TMEM131L: variants seen among roughly 807,000 people sequenced by gnomAD.
TMEM131L encodes transmembrane protein 131-like.
A neutral mutation model predicts 192.2 loss-of-function variants in TMEM131L; 54 were observed. The ratio of observed to expected loss-of-function variants is 0.28; its 90% CI spans 0.23 to 0.35. TMEM131L has a LOEUF of 0.35. Ranked by LOEUF, TMEM131L falls within the 10% of genes least tolerant of loss-of-function variation. TMEM131L has a pLI of 1.00. For missense variants in TMEM131L, 1,888 were observed against 1,972.9 expected (o/e 0.96, Z 0.82); for synonymous variants, 701 against 704.9 (o/e 0.99, Z 0.09).
intron 20 of TMEM131L, among the ~76,000 whole-genome samples, chr4:153,598,323 G>A (rs1403014241): frequency 6.6e-6 from 1 of 152,024 alleles, no homozygotes; most frequent in Non-Finnish European, 1.5e-5. Context: ...TGTGTGGGCT[G>A]TGGTTGGAAG....
chr4:153,466,505 A>G lies in TMEM131L; in HGVS notation c.108A>G (p.Gly36=). ...FQVLLPCCRP[G]GAQGQAIEPL... Reference sequence around the variant, plus strand: ...TCCTGCTGCCCTGCTGTCGCCCGGGAGGGGCTCAGGGACAAGGTCAGCCTT... The same window carrying G: ...TCCTGCTGCCCTGCTGTCGCCCGGGGGGGGCTCAGGGACAAGGTCAGCCTT... Residue 36 remains glycine, a synonymous_variant, in exon 1 of 35, where the codon GGA becomes GGG. Transcript: ENST00000409959. 7.1e-7 allele frequency: 1 copy of G among 1,400,470 alleles called. No individual in the cohort carries two copies. The allele number at this position is 1,400,470 out of a possible 1,614,324, so 86.8% of individuals were successfully genotyped here.
At chr4:153,501,943 GTTTTTTT>G (rs575832226) in intron 3 of TMEM131L, among the ~76,000 whole-genome samples, 1 of 117,400 alleles carries the variant, frequency 8.5e-6, no homozygotes, top group African/African-American at 3.6e-5. Context: ...CCCCCAAAGG[GTTTTTTT>G]TTTTTTTTTT....
chr4:153,491,235 T>G (rs1201306889), intron 3 of TMEM131L, among the ~76,000 whole-genome samples: 1 of 152,140 alleles, frequency 6.6e-6, no homozygotes, highest in Non-Finnish European at 1.5e-5. Context: ...GACATGTTCC[T>G]AGAGAGCTGA....
intron 7 of TMEM131L, among the ~76,000 whole-genome samples, chr4:153,560,638 G>A (rs1389540111): frequency 6.6e-6 from 1 of 152,030 alleles, no homozygotes; most frequent in Non-Finnish European, 1.5e-5. Context: ...CTAAAGATTT[G>A]TCTATTTTGA....
At chr4:153,493,143 G>C (rs1317804926) in intron 3 of TMEM131L, among the ~76,000 whole-genome samples, 2 of 151,616 alleles carry the variant, frequency 1.3e-5, no homozygotes, top group Non-Finnish European at 2.9e-5. Flanking sequence ...TCAGGAGATC[G>C]AGACCATCCT....
At chr4:153,566,287 A>C (rs757275327) in intron 7 of TMEM131L, among the ~76,000 whole-genome samples, 1 of 151,880 alleles carries the variant, frequency 6.6e-6, no homozygotes, top group Non-Finnish European at 1.5e-5. Context: ...AGGCGCCCGC[A>C]AGCACGCCCA....
intron 25 of TMEM131L, among the ~76,000 whole-genome samples, chr4:153,611,551 A>G (rs1325259687): frequency 1.3e-5 from 2 of 152,176 alleles, no homozygotes; most frequent in African/African-American, 4.8e-5. Flanking sequence ...AGCCATCACC[A>G]CTGTCCATAT....
At chr4:153,552,999 T>C (rs910772404) in intron 4 of TMEM131L, among the ~76,000 whole-genome samples, 13 of 151,838 alleles carry the variant, frequency 8.6e-5, no homozygotes, top group Admixed American at 2.6e-4. Context: ...TCTGCAGATA[T>C]GGAGAGCCAA....
chr4:153,635,915 C>A (rs866577999), intron 34 of TMEM131L, among the ~76,000 whole-genome samples: 7 of 152,170 alleles, frequency 4.6e-5, no homozygotes, highest in South Asian at 4.1e-4. Context: ...CTTTACTTCA[C>A]CGATACGAGA....
chr4:153,590,705 G>C (rs564485932), intron 16 of TMEM131L, among the ~76,000 whole-genome samples: 1 of 151,986 alleles, frequency 6.6e-6, no homozygotes, highest in East Asian at 1.9e-4. Flanking sequence ...TTGCTTTTAA[G>C]CATCACTCTG....
chr4:153,502,543 G>A lies in TMEM131L; in HGVS notation c.239+28655G>A, dbSNP rs368590796. ...GTGCGTTGGTTGAAAAATGAATTATGTGTAAACTAATCATTAAACCATAGA... is the reference window on the plus strand; with the variant it reads ...GTGCGTTGGTTGAAAAATGAATTATATGTAAACTAATCATTAAACCATAGA... On this transcript the variant is annotated intron_variant, in intron 3 of 34. Transcript: ENST00000409959. Among the ~76,000 whole-genome samples, 13 of 152,186 alleles carry A rather than the reference G, an allele frequency of 8.5e-5. No homozygotes were observed. In the East Asian group the frequency reaches 2.5e-3, roughly 29 times the overall value.
rs1730698875 is a variant in TMEM131L at position 153,586,369 on chromosome 4, C to G, written c.1472C>G (p.Ala491Gly). Residue 491 changes from alanine to glycine, a missense_variant, in exon 14 of 35, where the codon GCA becomes GGA. By Grantham distance (60) the Ala-to-Gly change is moderately conservative. Coordinates refer to ENST00000409959, the MANE Select transcript of TMEM131L (RefSeq NM_001131007.2). Reference protein sequence around the residue: ...IFAIPLQIYSAPTKEGSLGFE... With the variant: ...IFAIPLQIYSGPTKEGSLGFE... ...GCAATACCTCTACAGATTTATTCAGCACCAACCAAGGTATTTTCTACAATA... is the reference window on the plus strand; with the variant it reads ...GCAATACCTCTACAGATTTATTCAGGACCAACCAAGGTATTTTCTACAATA... 6.3e-7 allele frequency: 1 copy of G among 1,596,656 alleles called. No individual in the cohort carries two copies.
chr4:153,606,676 T>G (rs1732261892), intron 25 of TMEM131L, among the ~76,000 whole-genome samples: 1 of 152,228 alleles, frequency 6.6e-6, no homozygotes, highest in South Asian at 2.1e-4. Flanking sequence ...AATCTTTCCT[T>G]CCTGTACAGA....
At chr4:153,597,146 G>T (rs1171585766) in intron 20 of TMEM131L, among the ~76,000 whole-genome samples, 1 of 151,896 alleles carries the variant, frequency 6.6e-6, no homozygotes. Flanking sequence ...TTTTGCAAAT[G>T]AATGATACTA....
chr4:153,587,022 C>CT (rs1730745543), intron 14 of TMEM131L, among the ~76,000 whole-genome samples: 1 of 152,100 alleles, frequency 6.6e-6, no homozygotes, highest in East Asian at 1.9e-4. Context: ...ATGCAACCAT[C>CT]TTTATTTTTT....
chr4:153,602,949 G>GT (rs1317814029), intron 23 of TMEM131L, among the ~76,000 whole-genome samples: 1 of 152,190 alleles, frequency 6.6e-6, no homozygotes, highest in Non-Finnish European at 1.5e-5. Flanking sequence ...ATCATAGACA[G>GT]TTGTGCTCCA....
rs1362636811 is a variant in TMEM131L, at chr4:153,602,628, A to G, written c.2540A>G (p.Asn847Ser). The change falls in exon 23 of 35, where the codon AAT becomes AGT. Residue 847 changes from asparagine (N) to serine (S), a missense_variant. Asn to Ser is a conservative substitution (Grantham distance 46, BLOSUM62 1). Coordinates refer to ENST00000409959, the MANE Select transcript of TMEM131L (RefSeq NM_001131007.2). ...GACCTAGAATTTCGCTTCACTCTCA[A>G]TGTGACTCTCCCTCATCACCTGTTG... Reference protein sequence around the residue: ...AADLEFRFTLNVTLPHHLLPL... With the variant: ...AADLEFRFTLSVTLPHHLLPL... 4 of 1,613,902 alleles carry G rather than the reference A, an allele frequency of 2.5e-6. No homozygotes were observed. The highest frequency in any genetic ancestry group is 4.5e-5 in the East Asian group (2 of 44,886).
chr4:153,476,047 C>A (rs537284703), intron 3 of TMEM131L, among the ~76,000 whole-genome samples: 2 of 151,684 alleles, frequency 1.3e-5, no homozygotes, highest in Admixed American at 6.6e-5. Flanking sequence ...CAACCTCCCC[C>A]TCCTGGGTTC....
intron 26 of TMEM131L, among the ~76,000 whole-genome samples, chr4:153,616,432 C>T (rs1732980520): frequency 6.6e-6 from 1 of 152,282 alleles, no homozygotes; most frequent in African/African-American, 2.4e-5. Context: ...CTTGCACATT[C>T]TTAGAGCCTA....
Sources: allele counts gnomAD v4.1 joint callset (sites outside exome capture counted in the v4.1 genomes callset), GRCh38; gene constraint gnomAD v4.1.1; transcripts MANE v1.5; gene names NCBI Gene and HGNC (gene_info 2026-07-23, HGNC 2026-07-21).